TIFA: variants seen among roughly 807,000 people sequenced by gnomAD.
TIFA encodes TRAF interacting protein with forkhead associated domain.
For synonymous variants in TIFA, 75 were observed against 79.2 expected (o/e 0.95, Z 0.28); for missense variants, 186 against 215.2 (o/e 0.86, Z 0.85).
chr4:112,282,103 A>T (rs1482613422), intron 1 of TIFA, among the ~76,000 whole-genome samples: 1 of 152,154 alleles, frequency 6.6e-6, no homozygotes, highest in Non-Finnish European at 1.5e-5. Flanking sequence ...TGTGATAGTG[A>T]ATAAGTATCA....
rs146364351 is a variant in TIFA at position 112,277,974 on chromosome 4, A to G, written c.443T>C (p.Leu148Pro). The G allele has an allele frequency of 5.6e-6, 9 of 1,613,892 alleles. No individual in the cohort carries two copies. Among genetic ancestry groups the G allele is most frequent in the Non-Finnish European group, 6.8e-6 (8 of 1,179,992 alleles). Residue 148 changes from leucine to proline, a missense_variant, in exon 2 of 2, where the codon CTC becomes CCC. Leu to Pro is a moderately conservative substitution (Grantham distance 98). Transcript: ENST00000361717. Reference protein sequence around the residue: ...ETQFILSPRSLLQENNWPPHR... With the variant: ...ETQFILSPRSPLQENNWPPHR... Reference sequence around the variant, plus strand: ...TGGTGGCCAGTTGTTTTCTTGCAAGAGTGATCTTGGAGATAAAATAAATTG... The same window carrying G: ...TGGTGGCCAGTTGTTTTCTTGCAAGGGTGATCTTGGAGATAAAATAAATTG...
At chr4:112,279,863 T>C (rs9685654) in intron 1 of TIFA, among the ~76,000 whole-genome samples, 94,737 of 151,854 alleles carry the variant, frequency 0.62, 31,365 homozygotes, top group African/African-American at 0.85. Context: ...GACGGAGTTT[T>C]GCCATGTTAG....
At chr4:112,285,489 A>ATGGTGAGCGTGTGCC (rs1727307118) in intron 1 of TIFA, 151 bp downstream of exon 1, 1 of 152,224 alleles carries the variant, frequency 6.6e-6, no homozygotes, top group Non-Finnish European at 1.5e-5. Context: ...TCCTTAGCAT[A>ATGGTGAGCGTGTGCC]TGGTGAGCGT....
At chr4:112,281,646 A>G (rs4834252) in intron 1 of TIFA, 88,965 of 151,852 alleles carry the variant, frequency 0.59, 27,223 homozygotes, top group African/African-American at 0.78. Context: ...TTCATTAACA[A>G]CCATGTCAAT....
At chr4:112,280,912 TA>T (rs1381937611) in intron 1 of TIFA, among the ~76,000 whole-genome samples, 1 of 152,206 alleles carries the variant, frequency 6.6e-6, no homozygotes, top group Non-Finnish European at 1.5e-5. Flanking sequence ...AATCCTGTGC[TA>T]GGGGTGGTAA....
Position 112,277,803 on chromosome 4 carries a change from C to A in TIFA, c.*59G>T. 1.4e-6 allele frequency: 2 copies of A among 1,476,534 alleles called. No homozygotes were observed. Among genetic ancestry groups the A allele is most frequent in the Non-Finnish European group, 1.8e-6 (2 of 1,104,034 alleles). The allele number at this position is 1,476,534 out of a possible 1,614,324, so 91.5% of individuals were successfully genotyped here. ...ACCCTAATCAACTCTTATTTAGTGTCTATACAGCATCTACAGAGCTCTTCA... is the reference window on the plus strand; with the variant it reads ...ACCCTAATCAACTCTTATTTAGTGTATATACAGCATCTACAGAGCTCTTCA... On this transcript the variant is annotated 3_prime_UTR_variant, in exon 2 of 2. Transcript: ENST00000361717.
Position 112,277,683 on chromosome 4 carries a change from A to G in TIFA, c.*179T>C. On this transcript the variant is annotated 3_prime_UTR_variant, in exon 2 of 2. Coordinates refer to ENST00000361717, the MANE Select transcript of TIFA (RefSeq NM_052864.3). ...ATTTTGTGTAGATCCAGAATACAAC[A>G]GGTGACTAAGTTAATGACTAACACA... 5.0e-6 allele frequency: 2 copies of G among 397,850 alleles called. No homozygotes were observed. Among genetic ancestry groups the G allele is most frequent in the South Asian group, 1.1e-4 (1 of 9,086 alleles). The allele number at this position is 397,850 out of a possible 1,614,324, so 24.6% of individuals were successfully genotyped here.
At chr4:112,284,322 C>G (rs1377912776) in intron 1 of TIFA, among the ~76,000 whole-genome samples, 1 of 152,158 alleles carries the variant, frequency 6.6e-6, no homozygotes, top group Admixed American at 6.5e-5. Context: ...CACGTACACA[C>G]ACACTCACTA....
Position 112,277,687 on chromosome 4 carries a change from G to GGTAGCCGGATC in TIFA, c.*174_*175insGATCCGGCTAC. On this transcript the variant is annotated 3_prime_UTR_variant, in exon 2 of 2. Transcript: ENST00000361717. ...TGTGTAGATCCAGAATACAACAGGT[G>GGTAGCCGGATC]ACTAAGTTAATGACTAACACAATTT... 2 of 441,776 alleles carry GGTAGCCGGATC rather than the reference G, an allele frequency of 4.5e-6. No individual in the cohort carries two copies. Among genetic ancestry groups the GGTAGCCGGATC allele is most frequent in the South Asian group, 6.7e-5 (1 of 14,882 alleles). 27.4% of individuals were successfully genotyped at this position (441,776 alleles called of 1,614,324 possible).
rs1727102260 is a variant in TIFA at position 112,275,901 on chromosome 4, T to C, written c.*1961A>G. The C allele has an allele frequency of 6.6e-6, 1 of 152,186 alleles. No homozygotes were observed. Among genetic ancestry groups the C allele is most frequent in the Non-Finnish European group, 1.5e-5 (1 of 68,036 alleles). The allele number at this position is 152,186 out of a possible 1,614,324, so 9.4% of individuals were successfully genotyped here. A position where few individuals can be genotyped will look rare whatever the true frequency, so the allele number is the denominator to read the frequency against. Reference sequence around the variant, plus strand: ...CATTAAAGTATATACACTTCACTCATAGAACGCCTTTACCATGAGACTACA... The same window carrying C: ...CATTAAAGTATATACACTTCACTCACAGAACGCCTTTACCATGAGACTACA... On this transcript the variant is annotated 3_prime_UTR_variant, in exon 2 of 2. Transcript: ENST00000361717.
At position 112,277,991 on chromosome 4, in the gene TIFA, A is replaced by G; in HGVS notation, c.426T>C (p.Ile142=). The change falls in exon 2 of 2, where the codon ATT becomes ATC. Residue 142 remains isoleucine (I), a synonymous_variant. Transcript: ENST00000361717. ...ESLEFFETQF[I]LSPRSLLQEN... is the part of the protein sequence containing the mutation. Reference sequence around the variant, plus strand: ...CTTGCAAGAGTGATCTTGGAGATAAAATAAATTGAGTCTCAAAAAATTCCA... The same window carrying G: ...CTTGCAAGAGTGATCTTGGAGATAAGATAAATTGAGTCTCAAAAAATTCCA... 6.2e-7 allele frequency: 1 copy of G among 1,614,078 alleles called. No homozygotes were observed.
chr4:112,281,464 G>A (rs1727227035), intron 1 of TIFA, among the ~76,000 whole-genome samples: 1 of 152,116 alleles, frequency 6.6e-6, no homozygotes, highest in South Asian at 2.1e-4. Context: ...TACATCAGTG[G>A]CTATGAGTGT....
chr4:112,285,895 C>T lies in TIFA; in HGVS notation c.-274G>A, dbSNP rs1342740323. 6.6e-6 allele frequency: 1 copy of T among 152,268 alleles called. No homozygotes were observed. The highest frequency in any genetic ancestry group is 1.5e-5 in the Non-Finnish European group (1 of 68,066). 9.4% of individuals were successfully genotyped at this position (152,268 alleles called of 1,614,324 possible). On this transcript the variant is annotated 5_prime_UTR_variant, in exon 1 of 2. Coordinates refer to ENST00000361717, the MANE Select transcript of TIFA (RefSeq NM_052864.3). ...GAGCACGTCCTCTCGCGCCCGGGGC[C>T]TTTGTAAAGAGCGCAGCGGTGGCGC...
rs1476671629 is a variant in TIFA, at chr4:112,278,190, T to C, written c.227A>G (p.Lys76Arg). Residue 76 changes from lysine (K) to arginine (R), a missense_variant, in exon 2 of 2, where the codon AAA (lysine) becomes AGA (arginine). Transcript: ENST00000361717. The stretch of plus-strand genomic sequence containing the variant: ...GGAGAGAACTGAGCTGTTGAATTTT[T>C]TAAACAGCTGCAGAGAAAACTGAAC... ...SRVQFSLQLFKKFNSSVLSFE... is the reference protein window; with the variant it reads ...SRVQFSLQLFRKFNSSVLSFE... The C allele has an allele frequency of 1.9e-6, 3 of 1,613,314 alleles. No homozygotes were observed. The highest frequency in any genetic ancestry group is 2.5e-6 in the Non-Finnish European group (3 of 1,179,846).
At position 112,278,526 on chromosome 4, in the gene TIFA, G is replaced by T. The variant is rs1003250152; in HGVS notation, c.-18-92C>A. ...CGTTTTGATGAACATCATCTGATAG[G>T]CAATTTATCTGGACTTTAAGAAAAC... On this transcript the variant is annotated intron_variant, in intron 1 of 1. Coordinates refer to ENST00000361717, the MANE Select transcript of TIFA (RefSeq NM_052864.3). 44 of 1,085,178 alleles carry T rather than the reference G, an allele frequency of 4.1e-5. No individual in the cohort carries two copies. The African/African-American group carries it at 6.2e-4, about 15-fold the overall frequency. 67.2% of individuals were successfully genotyped at this position (1,085,178 alleles called of 1,614,324 possible).
intron 1 of TIFA, among the ~76,000 whole-genome samples, chr4:112,282,397 A>C (rs1343926494): frequency 6.6e-6 from 1 of 152,182 alleles, no homozygotes; most frequent in Non-Finnish European, 1.5e-5. Context: ...TGATACCCTG[A>C]TACACTGTAA....
At chr4:112,283,743 G>A (rs1727267092) in intron 1 of TIFA, among the ~76,000 whole-genome samples, 1 of 152,144 alleles carries the variant, frequency 6.6e-6, no homozygotes, top group Non-Finnish European at 1.5e-5. Flanking sequence ...GACAGAAACT[G>A]GGGGCCCAGG....
Position 112,277,831 on chromosome 4 carries a change from CA to C in TIFA, c.*30del. On this transcript the variant is annotated 3_prime_UTR_variant, in exon 2 of 2. Coordinates refer to ENST00000361717, the MANE Select transcript of TIFA (RefSeq NM_052864.3). ...TACAGCATCTACAGAGCTCTTCATC[CA>C]TCATATTTCTCCTCTTAGACTTTCT... 2 of 1,547,226 alleles carry C rather than the reference CA, an allele frequency of 1.3e-6. No individual in the cohort carries two copies. Among genetic ancestry groups the C allele is most frequent in the Non-Finnish European group, 1.7e-6 (2 of 1,150,268 alleles).
chr4:112,284,436 C>G (rs4834255), intron 1 of TIFA, among the ~76,000 whole-genome samples: 3 of 151,986 alleles, frequency 2.0e-5, no homozygotes, highest in Admixed American at 1.3e-4. Flanking sequence ...ATTTTCGCTA[C>G]AAGGACCCAG....
Sources: allele counts gnomAD v4.1 joint callset (sites outside exome capture counted in the v4.1 genomes callset), GRCh38; gene constraint gnomAD v4.1.1; transcripts MANE v1.5; gene names NCBI Gene and HGNC (gene_info 2026-07-23, HGNC 2026-07-21).